The following WDR27 variants were observed in gnomAD, a reference collection of about 807,000 sequenced individuals.
WDR27 encodes the protein WD repeat-containing protein 27.
WDR27 carries 100 observed loss-of-function variants against 114.4 expected under a neutral mutation model. That is an observed-to-expected ratio of 0.87 (90% CI 0.74 to 1.03). The LOEUF (loss-of-function observed/expected upper bound fraction) is 1.03, where lower values mean the gene tolerates loss of function less well. WDR27 is among the 50% of genes least tolerant of loss of function. WDR27 has a pLI of 0.00. For synonymous variants in WDR27, 449 were observed against 423.1 expected (o/e 1.06, Z -0.75); for missense variants, 1,129 against 1,092.9 (o/e 1.03, Z -0.47).
intron 23 of WDR27, among the ~76,000 whole-genome samples, chr6:169,601,779 G>A (rs1011844776): frequency 5.9e-5 from 9 of 152,164 alleles, no homozygotes; most frequent in African/African-American, 2.2e-4. Context: ...TCCACCATGA[G>A]GCGCATGCGC....
chr6:169,469,472 G>A (rs920560241), intron 25 of WDR27, among the ~76,000 whole-genome samples: 2 of 152,190 alleles, frequency 1.3e-5, no homozygotes, highest in African/African-American at 2.4e-5. Flanking sequence ...CAGGCCCACT[G>A]GGGTGGCAGC....
chr6:169,687,400 T>C (rs992843257), intron 2 of WDR27, among the ~76,000 whole-genome samples: 20 of 152,030 alleles, frequency 1.3e-4, no homozygotes, highest in African/African-American at 4.8e-4. Flanking sequence ...AAAAGACAGA[T>C]AATCCAATAG....
intron 1 of WDR27, among the ~76,000 whole-genome samples, chr6:169,691,790 AT>A (rs2128305000): frequency 6.6e-6 from 1 of 152,352 alleles, no homozygotes; most frequent in South Asian, 2.1e-4. Flanking sequence ...GTTTCTATAT[AT>A]GAGTACATAG....
intron 25 of WDR27, among the ~76,000 whole-genome samples, chr6:169,507,573 C>T (rs73789985): frequency 0.037 from 5,591 of 152,242 alleles, 143 homozygotes; most frequent in East Asian, 0.082. Flanking sequence ...AGAAATTCTA[C>T]GCTTCTTGTC....
chr6:169,565,280 T>C (rs1225747797), intron 25 of WDR27, among the ~76,000 whole-genome samples: 1 of 152,144 alleles, frequency 6.6e-6, no homozygotes, highest in Non-Finnish European at 1.5e-5. Context: ...GGGGGCAAAA[T>C]TTTATACCAA....
chr6:169,427,763 C>G, the WDR27 span, among the ~76,000 whole-genome samples: 1 of 151,264 alleles, frequency 6.6e-6, no homozygotes, highest in Non-Finnish European at 1.5e-5. Context: ...AGGGGCAGCC[C>G]CTGTCTTATT....
chr6:169,490,262 C>T (rs936587916), intron 25 of WDR27, among the ~76,000 whole-genome samples: 1 of 152,184 alleles, frequency 6.6e-6, no homozygotes, highest in Non-Finnish European at 1.5e-5. Context: ...ACAGCAAAGC[C>T]GTCACTGCAG....
intron 23 of WDR27, among the ~76,000 whole-genome samples, chr6:169,589,637 T>G (rs1805317219): frequency 6.6e-6 from 1 of 152,196 alleles, no homozygotes; most frequent in Non-Finnish European, 1.5e-5. Context: ...CAACTTTACA[T>G]GTGACACAGC....
At chr6:169,442,563 CACAA>C in the WDR27 span, among the ~76,000 whole-genome samples, 1 of 152,160 alleles carries the variant, frequency 6.6e-6, no homozygotes, top group Non-Finnish European at 1.5e-5. Flanking sequence ...TTTCACCCTC[CACAA>C]ACAATCATTC....
chr6:169,551,561 C>T (rs1002241367), intron 25 of WDR27, among the ~76,000 whole-genome samples: 3 of 151,804 alleles, frequency 2.0e-5, no homozygotes, highest in Admixed American at 1.3e-4. Flanking sequence ...ATGGTGAAAC[C>T]CTGTCTCTAC....
At chr6:169,544,028 G>A (rs1336339837) in intron 25 of WDR27, among the ~76,000 whole-genome samples, 1 of 152,178 alleles carries the variant, frequency 6.6e-6, no homozygotes, top group Non-Finnish European at 1.5e-5. Flanking sequence ...AACAATTGTT[G>A]CAGAAAAGTA....
chr6:169,657,057 C>T (rs1043367535), intron 13 of WDR27, among the ~76,000 whole-genome samples: 1 of 152,128 alleles, frequency 6.6e-6, no homozygotes, highest in Admixed American at 6.5e-5. Flanking sequence ...GCAGTTCACA[C>T]CGACAGTGGG....
rs1289331768 is a variant in WDR27 at position 169,659,282 on chromosome 6, A to T, written c.1198-75T>A. The T allele has an allele frequency of 4.5e-6, 7 of 1,557,998 alleles. No individual in the cohort carries two copies. The African/African-American group carries it at 9.5e-5, about 21-fold the overall frequency. ...AGACGAAACGTGCATCCGCACACGT[A>T]TCCTAACAGCTGCTTCATTCTCATA... On this transcript the variant is annotated intron_variant, in intron 11 of 25. Transcript: ENST00000448612. This position sits in a 1 kb window ranked among gnomAD's most constrained non-coding sequence, Gnocchi z 4.3.
intron 21 of WDR27, among the ~76,000 whole-genome samples, chr6:169,620,945 T>C (rs1384939571): frequency 6.6e-6 from 1 of 152,192 alleles, no homozygotes. Flanking sequence ...CCTGCTGCTC[T>C]AGTTACCTGG....
chr6:169,520,452 A>T (rs868241696), intron 25 of WDR27, among the ~76,000 whole-genome samples: 2 of 152,230 alleles, frequency 1.3e-5, no homozygotes, highest in Non-Finnish European at 2.9e-5. Flanking sequence ...CAGATAGAGA[A>T]TACTGGAATA....
Position 169,551,602 on chromosome 6 carries a change from T to C in WDR27, c.2645+20817A>G, listed in dbSNP as rs180903590. Among the ~76,000 whole-genome samples, 1,049 of 151,516 alleles carry C rather than the reference T, an allele frequency of 6.9e-3. 19 individuals carry two copies. Among genetic ancestry groups the C allele is most frequent in the African/African-American group, 0.023 (956 of 41,366 alleles). ...ATACAAAAAAATTAGCTGGGCATGG[T>C]GGTGGGTGCCTGTAATCCCAGCTAC... On this transcript the variant is annotated intron_variant, in intron 25 of 25. Transcript: ENST00000448612.
chr6:169,577,980 C>T (rs1031265386), intron 24 of WDR27, among the ~76,000 whole-genome samples: 5 of 152,144 alleles, frequency 3.3e-5, no homozygotes, highest in East Asian at 1.9e-4. Flanking sequence ...TGAGCCAATT[C>T]ACATAAAAAA....
In WDR27 at chr6:169,632,976, G is replaced by C. The variant is rs370579184; in HGVS notation, c.2194C>G (p.Arg732Gly). The C allele has an allele frequency of 6.3e-7, 1 of 1,594,132 alleles. No individual in the cohort carries two copies. Among genetic ancestry groups the C allele is most frequent in the Non-Finnish European group, 8.6e-7 (1 of 1,164,236 alleles). Residue 732 changes from arginine (R) to glycine (G), a missense_variant, in exon 21 of 26, where the codon CGG (arginine) becomes GGG (glycine). Physicochemically the swap from Arg to Gly is moderately radical, Grantham distance 125. Transcript: ENST00000448612. Reference sequence around the variant, plus strand: ...TTTTGGCAGATTTGATGGACAGGCCGTGAGTGGGCTTCCGCTATCACCGCT... The same window carrying C: ...TTTTGGCAGATTTGATGGACAGGCCCTGAGTGGGCTTCCGCTATCACCGCT... ...SAAVIAEAHS[R>G]PVHQICQNKG...
chr6:169,574,425 A>C (rs149965584), intron 24 of WDR27, among the ~76,000 whole-genome samples: 1 of 137,350 alleles, frequency 7.3e-6, no homozygotes, highest in East Asian at 2.1e-4. Flanking sequence ...TCGTTCTCAC[A>C]ATTAAAATGT....
Sources: allele counts gnomAD v4.1 joint callset (sites outside exome capture counted in the v4.1 genomes callset), GRCh38; gene constraint gnomAD v4.1.1; non-coding constraint Gnocchi (gnomAD v3.1); transcripts MANE v1.5; gene names NCBI Gene and HGNC (gene_info 2026-07-23, HGNC 2026-07-21).